Variants in REL observed in about 807,000 individuals in gnomAD.
REL encodes the protein proto-oncogene c-Rel.
Under a neutral mutation model 45.9 loss-of-function variants are expected in REL, and 15 were observed. The observed-to-expected ratio is 0.33, with a 90% CI of 0.22 to 0.50. The LOEUF is 0.50. Ranked by LOEUF, REL falls within the 20% of genes least tolerant of loss-of-function variation. The pLI is 0.98. For synonymous variants in REL, 239 were observed against 242.1 expected, an observed-to-expected ratio of 0.99 and a Z score of 0.12; for missense variants, 601 against 715.2, an observed-to-expected ratio of 0.84 and a Z score of 1.82.
Position 60,881,779 on chromosome 2 carries a change from C to G in REL, c.-62C>G, listed in dbSNP as rs1173789304. On this transcript the variant is annotated 5_prime_UTR_variant, in exon 1 of 10. Coordinates refer to ENST00000394479, the MANE Select transcript of REL (RefSeq NM_001291746.2). ...GTCCCTCGGCCTCCTGACTGACTGA[C>G]TGCGGCCGCCTCCGGCCAGGACGCT... The G allele has an allele frequency of 6.6e-7, 1 of 1,507,634 alleles. No individual in the cohort carries two copies. The highest frequency in any genetic ancestry group is 8.9e-7 in the Non-Finnish European group (1 of 1,121,322). 93.4% of individuals were successfully genotyped at this position (1,507,634 alleles called of 1,614,324 possible).
chr2:60,910,496 A>G (rs1012169776), intron 4 of REL, among the ~76,000 whole-genome samples: 6 of 137,032 alleles, frequency 4.4e-5, no homozygotes, highest in Non-Finnish European at 9.6e-5. Flanking sequence ...AAAAAAAAAA[A>G]CATAAAAAGG....
At chr2:60,910,692 G>A (rs931651608) in intron 4 of REL, among the ~76,000 whole-genome samples, 1 of 152,088 alleles carries the variant, frequency 6.6e-6, no homozygotes, top group Non-Finnish European at 1.5e-5. Context: ...CCAACACTGG[G>A]GGCCCAAGGT....
rs752112224 is a variant in REL at position 60,920,076 on chromosome 2, A to T, written c.889A>T (p.Thr297Ser). 1 of 1,612,262 alleles carries T rather than the reference A, an allele frequency of 6.2e-7. No homozygotes were observed. The highest frequency in any genetic ancestry group is 2.2e-5 in the East Asian group (1 of 44,808). The change falls in exon 8 of 10, where the codon ACT (threonine) becomes TCT (serine). Residue 297 changes from threonine to serine, a missense_variant. This residue lies in a region of REL where 241 missense variants were observed against 347.0 expected (regional missense o/e 0.69). Transcript: ENST00000394479. ...CAATAAAGCAAAGAAACAAAAGACA[A>T]CTCTGCTTTTCCAGAAACTGTGCCA... Reference protein sequence around the residue: ...YGNKAKKQKTTLLFQKLCQDH... With the variant: ...YGNKAKKQKTSLLFQKLCQDH...
At chr2:60,905,446 A>G (rs975096975) in intron 4 of REL, among the ~76,000 whole-genome samples, 6 of 152,194 alleles carry the variant, frequency 3.9e-5, no homozygotes, top group African/African-American at 1.4e-4. Flanking sequence ...CTCAATTTGA[A>G]TGTGCATAGG....
chr2:60,898,510 A>G (rs1454936194), intron 3 of REL, among the ~76,000 whole-genome samples: 2 of 152,180 alleles, frequency 1.3e-5, no homozygotes, highest in Admixed American at 6.5e-5. Flanking sequence ...ATAGGCTCCC[A>G]TAACATCATG....
chr2:60,909,638 C>G (rs937831396), intron 4 of REL, among the ~76,000 whole-genome samples: 3 of 152,156 alleles, frequency 2.0e-5, no homozygotes, highest in Non-Finnish European at 2.9e-5. Flanking sequence ...CGCAGTGGCT[C>G]ACGCCTGTAA....
At chr2:60,909,451 A>C (rs867638150) in intron 4 of REL, among the ~76,000 whole-genome samples, 1 of 145,446 alleles carries the variant, frequency 6.9e-6, no homozygotes, top group African/African-American at 2.5e-5. Flanking sequence ...GACTTAGTTC[A>C]TTTTTTTTTT....
At chr2:60,891,335 T>C (rs917786037) in intron 1 of REL, among the ~76,000 whole-genome samples, 6 of 152,206 alleles carry the variant, frequency 3.9e-5, no homozygotes, top group African/African-American at 1.2e-4. Flanking sequence ...TTGGGGAATC[T>C]TGGGGGAAAC....
At chr2:60,882,608 G>A (rs1236036094) in intron 1 of REL, among the ~76,000 whole-genome samples, 1 of 152,044 alleles carries the variant, frequency 6.6e-6, no homozygotes, top group Non-Finnish European at 1.5e-5. Context: ...CTGGGAGGTG[G>A]AGGTTGCAGT....
Position 60,924,642 on chromosome 2 carries a change from T to G in REL, c.*2107T>G, listed in dbSNP as rs553453637. 2.3e-5 allele frequency: 5 copies of G among 213,490 alleles called. No homozygotes were observed. Among genetic ancestry groups the G allele is most frequent in the Admixed American group, 5.8e-5 (1 of 17,142 alleles). The allele number at this position is 213,490 out of a possible 1,614,324, so 13.2% of individuals were successfully genotyped here. A position where few individuals can be genotyped will look rare whatever the true frequency, so the allele number is the denominator to read the frequency against. On this transcript the variant is annotated 3_prime_UTR_variant, in exon 10 of 10. Transcript: ENST00000394479. ...AGAGATTTTATTGAAGGTAAAACAT[T>G]AGAGGTTCATTGAGAATCTCTAAAT...
At chr2:60,886,194 A>G (rs1280067582) in intron 1 of REL, among the ~76,000 whole-genome samples, 1 of 152,230 alleles carries the variant, frequency 6.6e-6, no homozygotes, top group Non-Finnish European at 1.5e-5. Context: ...TTTAAAAACT[A>G]TGAAGATTTC....
intron 4 of REL, among the ~76,000 whole-genome samples, chr2:60,909,285 A>G (rs183265152): frequency 1.3e-3 from 199 of 152,330 alleles, no homozygotes; most frequent in African/African-American, 4.7e-3. Flanking sequence ...TTAATGATAT[A>G]CTTCTAGTAT....
At position 60,919,381 on chromosome 2, in the gene REL, C is replaced by T. The variant is rs545983338; in HGVS notation, c.854-660C>T. 1.4e-4 allele frequency among the ~76,000 whole-genome samples: 21 copies of T among 151,440 alleles called. No individual in the cohort carries two copies. The East Asian group carries it at 3.1e-3, about 23-fold the overall frequency. On this transcript the variant is annotated intron_variant, in intron 7 of 9. Transcript: ENST00000394479. ...TCGTGAGTACCTGGGACTATAGGTG[C>T]GCACCACCACACTTGGCTAATTTTT...
Position 60,928,307 on chromosome 2 carries a change from G to C in REL, c.*5772G>C, listed in dbSNP as rs1371604366. 3 of 152,688 alleles carry C rather than the reference G, an allele frequency of 2.0e-5. No homozygotes were observed. Among genetic ancestry groups the C allele is most frequent in the Non-Finnish European group, 4.4e-5 (3 of 68,446 alleles). The allele number at this position is 152,688 out of a possible 1,614,324, so 9.5% of individuals were successfully genotyped here. On this transcript the variant is annotated 3_prime_UTR_variant, in exon 10 of 10. Coordinates refer to ENST00000394479, the MANE Select transcript of REL (RefSeq NM_001291746.2). Reference sequence around the variant, plus strand: ...CAAGCTACCAATGCCTTTCTTCACAGAATTGGAAAAAACTACTTTAAAGTT... The same window carrying C: ...CAAGCTACCAATGCCTTTCTTCACACAATTGGAAAAAACTACTTTAAAGTT...
Position 60,923,480 on chromosome 2 carries a change from A to G in REL, c.*945A>G, listed in dbSNP as rs1674198786. The G allele has an allele frequency of 4.3e-6, 1 of 232,428 alleles. No homozygotes were observed. Among genetic ancestry groups the G allele is most frequent in the Non-Finnish European group, 8.5e-6 (1 of 117,496 alleles). 14.4% of individuals were successfully genotyped at this position (232,428 alleles called of 1,614,324 possible). On this transcript the variant is annotated 3_prime_UTR_variant, in exon 10 of 10. Transcript: ENST00000394479. The stretch of plus-strand genomic sequence containing the variant: ...AACTGCCTATTTGACATCTCTATCT[A>G]GAAATCTAATTAAAGCTCACACTCA...
chr2:60,893,937 C>T (rs1040749747), intron 2 of REL, among the ~76,000 whole-genome samples: 1 of 152,138 alleles, frequency 6.6e-6, no homozygotes, highest in Admixed American at 6.5e-5. Context: ...GGTATGCTTA[C>T]TGAACAAATA....
chr2:60,897,395 C>G (rs530356995), intron 3 of REL, among the ~76,000 whole-genome samples: 1 of 151,760 alleles, frequency 6.6e-6, no homozygotes, highest in African/African-American at 2.4e-5. Context: ...GCAACCTTCC[C>G]CTCCCAAGTT....
rs1442075425 is a variant in REL at position 60,929,070 on chromosome 2, A to G, written c.*6535A>G. 2.7e-5 allele frequency: 4 copies of G among 147,716 alleles called. No homozygotes were observed. Among genetic ancestry groups the G allele is most frequent in the African/African-American group, 9.9e-5 (4 of 40,256 alleles). The allele number at this position is 147,716 out of a possible 1,614,324, so 9.2% of individuals were successfully genotyped here. ...ATGCAGCCAAAAAACACATGAAAAAATGCTCATCATGACTGGCCATCAGAG... is the reference window on the plus strand; with the variant it reads ...ATGCAGCCAAAAAACACATGAAAAAGTGCTCATCATGACTGGCCATCAGAG... On this transcript the variant is annotated 3_prime_UTR_variant, in exon 10 of 10. Coordinates refer to ENST00000394479, the MANE Select transcript of REL (RefSeq NM_001291746.2).
chr2:60,900,829 C>T (rs1673474556), intron 3 of REL, 163 bp from the exon 4 acceptor site: 3 of 630,916 alleles, frequency 4.8e-6, no homozygotes, highest in African/African-American at 1.9e-5. Context: ...GCCATATAAT[C>T]CCACTTCTTA....
Sources: gnomAD v4.1 joint callset for allele counts (sites outside exome capture counted in the v4.1 genomes callset) on GRCh38, gnomAD v4.1.1 for gene constraint, gnomAD v4.1.1 regional missense constraint, MANE v1.5 for transcripts, NCBI Gene and HGNC (gene_info 2026-07-23, HGNC 2026-07-21) for gene names.